The following BMP6 variants were observed in gnomAD, a reference collection of about 807,000 sequenced individuals.
The protein encoded by BMP6 is VG-1-R.
Under a neutral mutation model 54.1 loss-of-function variants are expected in BMP6, and 17 were observed. The observed-to-expected ratio is 0.31, with a 90% CI of 0.22 to 0.47. The LOEUF (loss-of-function observed/expected upper bound fraction) is 0.47. Among genes scored for constraint, BMP6 ranks in the 20% least tolerant of loss-of-function variants. BMP6 has a pLI of 1.00. For missense variants in BMP6, 720 were observed against 690.4 expected, an observed-to-expected ratio of 1.04 and a Z score of -0.48; for synonymous variants, 328 against 291.2, an observed-to-expected ratio of 1.13 and a Z score of -1.28.
intron 1 of BMP6, among the ~76,000 whole-genome samples, chr6:7,809,354 A>T (rs1004229203): frequency 6.6e-6 from 1 of 152,164 alleles, no homozygotes; most frequent in Admixed American, 6.5e-5. Flanking sequence ...AACCTTATTT[A>T]TATTTGTGTG....
chr6:7,853,024 C>G (rs1427168389), intron 2 of BMP6, among the ~76,000 whole-genome samples: 1 of 152,190 alleles, frequency 6.6e-6, no homozygotes, highest in Non-Finnish European at 1.5e-5. Flanking sequence ...GCGTAAAGCT[C>G]TAGGCCGCTA....
chr6:7,730,008 G>A (rs1761823534), intron 1 of BMP6, among the ~76,000 whole-genome samples: 1 of 152,216 alleles, frequency 6.6e-6, no homozygotes, highest in South Asian at 2.1e-4. Flanking sequence ...GCCCAGCAGT[G>A]TCATTGTTTT....
chr6:7,800,912 AG>A (rs201191015), intron 1 of BMP6, among the ~76,000 whole-genome samples: 70 of 38,266 alleles, frequency 1.8e-3, no homozygotes, highest in African/African-American at 2.2e-3. Context: ...AAGCGGGGGG[AG>A]GGGGGGGCAC....
At chr6:7,774,795 T>C (rs1222502549) in intron 1 of BMP6, among the ~76,000 whole-genome samples, 2 of 152,264 alleles carry the variant, frequency 1.3e-5, no homozygotes, top group Non-Finnish European at 2.9e-5. Context: ...AGTTCTTTTT[T>C]GGTTGCTATA....
intron 1 of BMP6, among the ~76,000 whole-genome samples, chr6:7,769,932 A>G (rs1362988416): frequency 2.6e-5 from 4 of 152,234 alleles, no homozygotes; most frequent in Non-Finnish European, 5.9e-5. Context: ...ATGTTGAGTC[A>G]TTCTTGCATC....
rs192787399 is a variant in BMP6 at position 7,780,261 on chromosome 6, A to C, written c.664+52642A>C. Among the ~76,000 whole-genome samples the C allele has an allele frequency of 1.8e-3, 275 of 152,188 alleles. 1 individual carries two copies. Among genetic ancestry groups the C allele is most frequent in the Admixed American group, 2.9e-3 (45 of 15,272 alleles). ...CACCTCTAATTCTTTTTAAAAAGCA[A>C]GGGAGGCTGGGCACGGTGGCTCATG... On this transcript the variant is annotated intron_variant, in intron 1 of 6. Coordinates refer to ENST00000283147, the MANE Select transcript of BMP6 (RefSeq NM_001718.6).
At chr6:7,861,414 G>A (rs1472211126) in intron 2 of BMP6, 37 bp from the exon 3 acceptor site, 1 of 1,610,128 alleles carries the variant, frequency 6.2e-7, no homozygotes, top group East Asian at 2.2e-5. Flanking sequence ...GCTTCAGGCA[G>A]TGCGCTATTT....
chr6:7,788,740 G>A (rs943059066), intron 1 of BMP6, among the ~76,000 whole-genome samples: 4 of 152,128 alleles, frequency 2.6e-5, no homozygotes, highest in African/African-American at 9.7e-5. Context: ...AAGTAAATGT[G>A]TTAACATGTC....
chr6:7,880,877 G>T lies in BMP6; in HGVS notation c.*534G>T. The stretch of plus-strand genomic sequence containing the variant: ...GCCCAGGCCACAGCCAGGGCTCCAC[G>T]GGGCGCCCTTGTCTCAGTCATTGCT... On this transcript the variant is annotated 3_prime_UTR_variant, in exon 7 of 7. Coordinates refer to ENST00000283147, the MANE Select transcript of BMP6 (RefSeq NM_001718.6). The T allele has an allele frequency of 6.4e-6, 1 of 155,512 alleles. No homozygotes were observed. The allele number at this position is 155,512 out of a possible 1,614,324, so 9.6% of individuals were successfully genotyped here.
intron 2 of BMP6, among the ~76,000 whole-genome samples, chr6:7,852,012 C>T (rs919956910): frequency 1.3e-5 from 2 of 152,140 alleles, no homozygotes; most frequent in African/African-American, 2.4e-5. Context: ...ATTTCCACTA[C>T]CTGTTTGTTC....
At chr6:7,756,347 T>C (rs1363904620) in intron 1 of BMP6, among the ~76,000 whole-genome samples, 2 of 152,196 alleles carry the variant, frequency 1.3e-5, no homozygotes, top group South Asian at 2.1e-4. Flanking sequence ...CATTTACTTA[T>C]TTTGTGTGTC....
At chr6:7,737,413 G>T (rs1761971323) in intron 1 of BMP6, among the ~76,000 whole-genome samples, 1 of 152,126 alleles carries the variant, frequency 6.6e-6, no homozygotes, top group Non-Finnish European at 1.5e-5. Context: ...CTGGAGAGTT[G>T]CCTTTCCCCC....
chr6:7,812,233 C>A (rs1758446274), intron 1 of BMP6, among the ~76,000 whole-genome samples: 1 of 152,168 alleles, frequency 6.6e-6, no homozygotes, highest in Admixed American at 6.5e-5. Context: ...TGAATTAATT[C>A]CATATAATAA....
At chr6:7,730,138 C>A (rs947250501) in intron 1 of BMP6, among the ~76,000 whole-genome samples, 1 of 152,148 alleles carries the variant, frequency 6.6e-6, no homozygotes, top group South Asian at 2.1e-4. Flanking sequence ...TATTTAGTGA[C>A]CCTCCAAATT....
At chr6:7,732,025 T>A (rs1412937537) in intron 1 of BMP6, among the ~76,000 whole-genome samples, 1 of 152,220 alleles carries the variant, frequency 6.6e-6, no homozygotes, top group African/African-American at 2.4e-5. Context: ...GGCAATTTTC[T>A]GAACAAAATT....
intron 1 of BMP6, among the ~76,000 whole-genome samples, chr6:7,741,922 C>T (rs1011386959): frequency 2.0e-5 from 3 of 152,226 alleles, no homozygotes; most frequent in African/African-American, 4.8e-5. Context: ...TTTGACACAT[C>T]CCTCCTCCCC....
chr6:7,866,121 T>C (rs1404832132), intron 4 of BMP6, among the ~76,000 whole-genome samples: 1 of 152,246 alleles, frequency 6.6e-6, no homozygotes, highest in African/African-American at 2.4e-5. Flanking sequence ...TCTCCCTGGA[T>C]GGCTTTCACT....
chr6:7,793,160 AC>A (rs1758136161), intron 1 of BMP6, among the ~76,000 whole-genome samples: 1 of 152,138 alleles, frequency 6.6e-6, no homozygotes. Context: ...GGATAAACAA[AC>A]TGGCACATCC....
intron 1 of BMP6, among the ~76,000 whole-genome samples, chr6:7,787,325 C>T (rs1758034515): frequency 6.6e-6 from 1 of 152,182 alleles, no homozygotes; most frequent in Non-Finnish European, 1.5e-5. Context: ...AGGAGCTACA[C>T]CTCTAAAACA....
Sources: allele counts gnomAD v4.1 joint callset (sites outside exome capture counted in the v4.1 genomes callset), GRCh38; gene constraint gnomAD v4.1.1; transcripts MANE v1.5; gene names NCBI Gene and HGNC (gene_info 2026-07-23, HGNC 2026-07-21).